XG: variants seen among roughly 807,000 people sequenced by gnomAD.
XG encodes the protein glycoprotein Xg.
XG carries 24 observed loss-of-function variants against 25.7 expected under a neutral mutation model. The observed-to-expected ratio is 0.93, with a 90% CI of 0.68 to 1.31. The LOEUF (loss-of-function observed/expected upper bound fraction) is 1.31. Among genes scored for constraint, XG ranks in the 40% most tolerant of loss-of-function variants. The pLI, the probability that XG is intolerant of heterozygous loss-of-function variation, is 0.00. For missense variants in XG, 181 were observed against 187.6 expected (o/e 0.96, Z 0.21); for synonymous variants, 77 against 69.2 (o/e 1.11, Z -0.56).
At chrX:2,811,548 G>A in intron 10 of XG, 96 bp downstream of exon 10, 1 of 619,166 alleles carries the variant, frequency 1.6e-6, no homozygotes, top group South Asian at 3.5e-5. Flanking sequence ...GGTTATTTCT[G>A]GTTAAGTTCA....
rs1388593560 is a variant in XG at position 2,760,600 on chromosome X, C to G, written c.61+8265C>G. On this transcript the variant is annotated intron_variant, in intron 1 of 10. Coordinates refer to ENST00000644266, the MANE Select transcript of XG (RefSeq NM_001141919.2). ...AATACAAAAAAAAAAAAAAAATTAG[C>G]TGGGCGTGCCTGTAGTCCCAGCTAC... Among the ~76,000 whole-genome samples, 6 of 148,502 alleles carry G rather than the reference C, an allele frequency of 4.0e-5. No individual in the cohort carries two copies. The South Asian group carries it at 1.3e-3, about 32-fold the overall frequency.
chrX:2,814,306 T>C, intron 10 of XG, 58 bp from the exon 11 acceptor site: 1 of 1,103,665 alleles, frequency 9.1e-7, no homozygotes, highest in Non-Finnish European at 1.2e-6. Context: ...TTTTCTCTGT[T>C]TAATAAGACT....
At chrX:2,753,585 T>G (rs1483555300) in intron 1 of XG, among the ~76,000 whole-genome samples, 1 of 149,422 alleles carries the variant, frequency 6.7e-6, no homozygotes, top group Admixed American at 6.7e-5. Context: ...CAACTTTTCT[T>G]TTTTTTTTTT....
chrX:2,760,465 G>A lies in XG; in HGVS notation c.61+8130G>A, dbSNP rs1306304768. Among the ~76,000 whole-genome samples the A allele has an allele frequency of 3.3e-5, 5 of 151,718 alleles. No individual in the cohort carries two copies. The South Asian group carries it at 6.3e-4, about 19-fold the overall frequency. ...AAAGAGGTGATTCAGGCTGGGTGCG[G>A]TGGCTCATGCCTGTAATCCCAGCAC... On this transcript the variant is annotated intron_variant, in intron 1 of 10. Coordinates refer to ENST00000644266, the MANE Select transcript of XG (RefSeq NM_001141919.2).
At chrX:2,776,825 C>T (rs1303448531) in intron 3 of XG, among the ~76,000 whole-genome samples, 4 of 151,186 alleles carry the variant, frequency 2.6e-5, no homozygotes, top group Admixed American at 1.3e-4. Context: ...CCAGCCTGGG[C>T]GACAGAGCGA....
At chrX:2,769,284 C>T (rs1432985008) in intron 1 of XG, among the ~76,000 whole-genome samples, 1 of 152,180 alleles carries the variant, frequency 6.6e-6, no homozygotes, top group Non-Finnish European at 1.5e-5. Flanking sequence ...GACCCAGTAC[C>T]TAGGGCTCAC....
intron 9 of XG, among the ~76,000 whole-genome samples, chrX:2,809,913 A>G (rs1477859715): frequency 8.9e-6 from 1 of 112,358 alleles, no homozygotes; most frequent in East Asian, 2.8e-4. Flanking sequence ...TAGAGCCACC[A>G]TGCCTTCACT....
chrX:2,756,214 A>G, intron 1 of XG, among the ~76,000 whole-genome samples: 1 of 152,206 alleles, frequency 6.6e-6, no homozygotes, highest in East Asian at 1.9e-4. Context: ...TTGCCGTCCA[A>G]TCCAGAGGGG....
At chrX:2,772,608 GA>G (rs1453161385) in intron 2 of XG, among the ~76,000 whole-genome samples, 4 of 152,206 alleles carry the variant, frequency 2.6e-5, no homozygotes, top group Non-Finnish European at 5.9e-5. Flanking sequence ...TTGGGGGGAT[GA>G]AACTGTTCTG....
chrX:2,773,063 A>G (rs1341767813), intron 2 of XG, among the ~76,000 whole-genome samples: 2 of 124,712 alleles, frequency 1.6e-5, no homozygotes, highest in Non-Finnish European at 1.6e-5. Flanking sequence ...AGAGAAAGGA[A>G]GGATGGGAGA....
At chrX:2,790,931 C>T (rs950129954) in intron 5 of XG, among the ~76,000 whole-genome samples, 4 of 107,284 alleles carry the variant, frequency 3.7e-5, no homozygotes, top group African/African-American at 1.3e-4. Context: ...TTCTACTATC[C>T]ACCAGCACCT....
chrX:2,769,881 G>C (rs2050775587), intron 1 of XG, among the ~76,000 whole-genome samples: 1 of 152,146 alleles, frequency 6.6e-6, no homozygotes. Flanking sequence ...TTTATCTCTT[G>C]TTTGTGTTGC....
intron 2 of XG, among the ~76,000 whole-genome samples, chrX:2,773,164 G>A (rs1470321256): frequency 2.7e-5 from 4 of 150,802 alleles, no homozygotes; most frequent in African/African-American, 9.8e-5. Flanking sequence ...AAACAGGGAG[G>A]GAGGGAGGAA....
intron 1 of XG, among the ~76,000 whole-genome samples, chrX:2,755,147 G>A (rs1364130320): frequency 6.6e-6 from 1 of 152,142 alleles, no homozygotes; most frequent in African/African-American, 2.4e-5. Context: ...CGCCAAGACG[G>A]GGTTCTTGGA....
rs186113075 is a variant in XG at position 2,752,436 on chromosome X, G to A, written c.61+101G>A. On this transcript the variant is annotated intron_variant, in intron 1 of 10. Coordinates refer to ENST00000644266, the MANE Select transcript of XG (RefSeq NM_001141919.2). ...AAAGGAGTTGCTATGAAGTGAATGG[G>A]GATAATTTGCCCAATGGGATTAGAA... 18 of 1,509,372 alleles carry A rather than the reference G, an allele frequency of 1.2e-5. No individual in the cohort carries two copies. The African/African-American group carries it at 1.4e-4, about 12-fold the overall frequency. 93.5% of individuals were successfully genotyped at this position (1,509,372 alleles called of 1,614,324 possible).
intron 5 of XG, among the ~76,000 whole-genome samples, chrX:2,790,490 C>A (rs112387719): frequency 0.045 from 3,953 of 88,225 alleles, 240 homozygotes; most frequent in African/African-American, 0.15. Context: ...ACAGAGCGAG[C>A]CCCTGTCTCA....
intron 3 of XG, among the ~76,000 whole-genome samples, chrX:2,777,909 A>G (rs999027541): frequency 6.6e-6 from 1 of 152,242 alleles, no homozygotes; most frequent in Non-Finnish European, 1.5e-5. Context: ...AAATACAAAT[A>G]AAATGTTTCA....
At chrX:2,807,196 A>G (rs1407985245) in intron 8 of XG, among the ~76,000 whole-genome samples, 2 of 112,720 alleles carry the variant, frequency 1.8e-5, no homozygotes, top group Admixed American at 1.9e-4. Context: ...GTTGGCATGT[A>G]CTTGTGGATT....
chrX:2,801,491 G>A (rs748915288), intron 7 of XG, among the ~76,000 whole-genome samples: 2 of 111,031 alleles, frequency 1.8e-5, no homozygotes, highest in East Asian at 2.8e-4. Context: ...TACATAGTGC[G>A]TGGGGAAGGC....
Sources: allele counts gnomAD v4.1 joint callset (sites outside exome capture counted in the v4.1 genomes callset), GRCh38; gene constraint gnomAD v4.1.1; transcripts MANE v1.5; gene names NCBI Gene and HGNC (gene_info 2026-07-23, HGNC 2026-07-21).